Variants in ESF1 observed in about 807,000 individuals in gnomAD.
ESF1 encodes ESF1 nucleolar pre-rRNA processing protein.
In ESF1, 58 loss-of-function variants were observed where a neutral mutation model predicts 92.0. The ratio of observed to expected loss-of-function variants is 0.63; its 90% CI spans 0.51 to 0.78. ESF1 has a LOEUF of 0.78. Ranked by LOEUF, ESF1 falls within the 30% of genes least tolerant of loss-of-function variation. The pLI is 0.00. For missense variants in ESF1, 922 were observed against 989.1 expected (o/e 0.93, Z 0.91); for synonymous variants, 321 against 313.7 (o/e 1.02, Z -0.24).
intron 9 of ESF1, among the ~76,000 whole-genome samples, chr20:13,735,775 C>T: frequency 6.6e-6 from 1 of 151,974 alleles, no homozygotes; most frequent in Non-Finnish European, 1.5e-5. Flanking sequence ...ATTTTTTCAC[C>T]AAAAAAGTTA....
At chr20:13,768,213 T>G (rs1979515849) in intron 7 of ESF1, among the ~76,000 whole-genome samples, 1 of 152,206 alleles carries the variant, frequency 6.6e-6, no homozygotes, top group Admixed American at 6.5e-5. Flanking sequence ...AGCTACTCTC[T>G]CTGCTACCAG....
intron 10 of ESF1, among the ~76,000 whole-genome samples, chr20:13,730,367 C>G (rs2049933089): frequency 6.6e-6 from 1 of 151,268 alleles, no homozygotes; most frequent in Non-Finnish European, 1.5e-5. Flanking sequence ...AACCAACACG[C>G]CTGGCCAAGA....
chr20:13,778,812 C>T (rs1980056322), intron 2 of ESF1, among the ~76,000 whole-genome samples: 1 of 152,020 alleles, frequency 6.6e-6, no homozygotes, highest in South Asian at 2.1e-4. Flanking sequence ...ATTAGGAGGC[C>T]AAGATGGGAG....
chr20:13,734,990 T>C (rs970039657), intron 9 of ESF1, among the ~76,000 whole-genome samples: 21 of 152,110 alleles, frequency 1.4e-4, no homozygotes, highest in African/African-American at 5.1e-4. Flanking sequence ...TCTAAAATGC[T>C]AGTTTGACCT....
chr20:13,726,486 GTCTCAGC>G (rs1319396094), intron 11 of ESF1, among the ~76,000 whole-genome samples: 1 of 152,032 alleles, frequency 6.6e-6, no homozygotes, highest in Non-Finnish European at 1.5e-5. Flanking sequence ...CATTCCACAG[GTCTCAGC>G]TCTAATGCCA....
rs535746559 is a variant in ESF1, at chr20:13,715,790, G to A, written c.2263-623C>T. ...CCCTTAACTGCAGCCAGCCTTTGAG[G>A]GCTGCCAGGCAGATGGGTAACCAGC... On this transcript the variant is annotated intron_variant, in intron 13 of 13. Transcript: ENST00000617257. Among the ~76,000 whole-genome samples the A allele has an allele frequency of 8.6e-4, 131 of 152,242 alleles. 1 individual carries two copies. The highest frequency in any genetic ancestry group is 3.0e-3 in the African/African-American group (125 of 41,546).
At chr20:13,759,974 A>C in intron 8 of ESF1, 121 bp from the exon 9 acceptor site, 1 of 1,386,808 alleles carries the variant, frequency 7.2e-7, no homozygotes, top group South Asian at 1.6e-5. Context: ...AATCAGACTT[A>C]AATTTCTGAA....
intron 2 of ESF1, among the ~76,000 whole-genome samples, chr20:13,780,065 A>G (rs1267534972): frequency 6.6e-6 from 1 of 152,176 alleles, no homozygotes; most frequent in Non-Finnish European, 1.5e-5. Flanking sequence ...AGAAGATTAT[A>G]TATGGAGCCG....
intron 2 of ESF1, among the ~76,000 whole-genome samples, chr20:13,781,513 C>T (rs138362700): frequency 3.8e-3 from 575 of 152,166 alleles, no homozygotes; most frequent in East Asian, 6.2e-3. Context: ...GGCTGTTATC[C>T]GCACAGGGGC....
chr20:13,775,901 A>G lies in ESF1; in HGVS notation c.1007T>C (p.Leu336Ser). 1 of 1,610,986 alleles carries G rather than the reference A, an allele frequency of 6.2e-7. No homozygotes were observed. Among genetic ancestry groups the G allele is most frequent in the South Asian group, 1.1e-5 (1 of 90,382 alleles). The stretch of plus-strand genomic sequence containing the variant: ...ATCAGCACGAGGAGCATCTTTATCT[A>G]ATTCTCTCCAAGCATGCTCAAAACC... ...ESGFEHAWRELDKDAPRADEI... is the reference protein window; with the variant it reads ...ESGFEHAWRESDKDAPRADEI... The change falls in exon 3 of 14, where the codon TTA becomes TCA. Residue 336 changes from leucine (L) to serine (S), a missense_variant. By Grantham distance (145) the Leu-to-Ser change is moderately radical. Transcript: ENST00000617257.
In ESF1 at chr20:13,715,136, A is replaced by G. The variant is rs757280784; in HGVS notation, c.2294T>C (p.Met765Thr). 16 of 1,606,270 alleles carry G rather than the reference A, an allele frequency of 1.0e-5. No individual in the cohort carries two copies. In the South Asian group the frequency reaches 1.8e-4, roughly 18 times the overall value. The change falls in exon 14 of 14, where the codon ATG (methionine) becomes ACG (threonine). Residue 765 changes from methionine to threonine, a missense_variant. Physicochemically the swap from Met to Thr is moderately conservative, Grantham distance 81 (BLOSUM62 -1). Coordinates refer to ENST00000617257, the MANE Select transcript of ESF1 (RefSeq NM_001276380.2). ...CAAATTGAACAAGTGGGAAGTGTAC[A>G]TTGCCTGAAACCGTGCATCGTTAAC... is the stretch of plus-strand genomic sequence containing the variant. ...VNVNDARFQA[M>T]YTSHLFNLDP... is the part of the protein sequence containing the mutation.
rs1357636453 is a variant in ESF1, at chr20:13,769,954, CT to C, written c.1470del (p.Ala491HisfsTer50). ...PKDVASEVNLTAYKPKYFTSA... is the reference protein window; with the variant it reads ...PKDVASEVNLXAYKPKYFTSA... The stretch of plus-strand genomic sequence containing the variant: ...GAAGTGAAATATTTTGGTTTATATG[CT>C]GTTAAATTCACTTCTGAGGCTACAT... On this transcript the variant is annotated frameshift_variant, in exon 7 of 14. Coordinates refer to ENST00000617257, the MANE Select transcript of ESF1 (RefSeq NM_001276380.2). LOFTEE classifies it high-confidence loss of function. The C allele has an allele frequency of 6.2e-7, 1 of 1,612,396 alleles. No homozygotes were observed. Among genetic ancestry groups the C allele is most frequent in the Non-Finnish European group, 8.5e-7 (1 of 1,179,690 alleles).
At chr20:13,784,269 G>A (rs1980486882) in intron 1 of ESF1, among the ~76,000 whole-genome samples, 1 of 135,220 alleles carries the variant, frequency 7.4e-6, no homozygotes, top group African/African-American at 2.8e-5. Context: ...GCCAAAAGTC[G>A]TTGATTATTA....
At chr20:13,762,568 T>C (rs1041772030) in intron 8 of ESF1, among the ~76,000 whole-genome samples, 5 of 152,184 alleles carry the variant, frequency 3.3e-5, no homozygotes, top group Non-Finnish European at 7.3e-5. Flanking sequence ...GGATAAGTCA[T>C]GTAGCTCTGT....
At chr20:13,761,303 G>A (rs895719370) in intron 8 of ESF1, among the ~76,000 whole-genome samples, 1 of 151,194 alleles carries the variant, frequency 6.6e-6, no homozygotes, top group African/African-American at 2.4e-5. Flanking sequence ...TTGTTTATCT[G>A]CTGACCTTCC....
chr20:13,784,865 T>C lies in ESF1; in HGVS notation c.-44+15A>G. 1.7e-6 allele frequency: 1 copy of C among 600,416 alleles called. No homozygotes were observed. The highest frequency in any genetic ancestry group is 3.0e-6 in the Non-Finnish European group (1 of 338,146). 37.2% of individuals were successfully genotyped at this position (600,416 alleles called of 1,614,324 possible). On this transcript the variant is annotated intron_variant, in intron 1 of 13. Coordinates refer to ENST00000617257, the MANE Select transcript of ESF1 (RefSeq NM_001276380.2). The stretch of plus-strand genomic sequence containing the variant: ...TTCATCTCGAGCTCTTCAACTCCAG[T>C]CCATCCCCACTCACCGTCCGCAGTC...
At chr20:13,744,646 C>G (rs1182509187) in intron 9 of ESF1, among the ~76,000 whole-genome samples, 1 of 152,182 alleles carries the variant, frequency 6.6e-6, no homozygotes, top group Non-Finnish European at 1.5e-5. Flanking sequence ...TAATGTTTCC[C>G]CCTCAGGGCG....
At chr20:13,736,749 C>T (rs963082978) in intron 9 of ESF1, among the ~76,000 whole-genome samples, 3 of 152,180 alleles carry the variant, frequency 2.0e-5, no homozygotes, top group Non-Finnish European at 4.4e-5. Flanking sequence ...GGACCTATAA[C>T]TCTAAAATAA....
intron 9 of ESF1, among the ~76,000 whole-genome samples, chr20:13,740,470 A>T (rs188990563): frequency 6.6e-6 from 1 of 152,342 alleles, no homozygotes; most frequent in Admixed American, 6.5e-5. Context: ...GAAATTACCC[A>T]GCACGTTGTA....
Sources: allele counts gnomAD v4.1 joint callset (sites outside exome capture counted in the v4.1 genomes callset), GRCh38; gene constraint gnomAD v4.1.1; transcripts MANE v1.5; gene names NCBI Gene and HGNC (gene_info 2026-07-23, HGNC 2026-07-21).